OSBPL8: variants seen among roughly 807,000 people sequenced by gnomAD.
OSBPL8 encodes oxysterol-binding protein-related protein 8.
A neutral mutation model predicts 125.5 loss-of-function variants in OSBPL8; 59 were observed. The observed-to-expected ratio is 0.47, with a 90% CI of 0.38 to 0.58. The LOEUF is 0.58. OSBPL8 is among the 20% of genes least tolerant of loss of function. OSBPL8 has a pLI of 0.00. For missense variants in OSBPL8, 758 were observed against 1,047.8 expected (o/e 0.72, Z 3.82); for synonymous variants, 330 against 338.9 (o/e 0.97, Z 0.29).
At chr12:76,421,412 G>A (rs1423344539) in intron 4 of OSBPL8, among the ~76,000 whole-genome samples, 3 of 151,992 alleles carry the variant, frequency 2.0e-5, no homozygotes, top group Non-Finnish European at 4.4e-5. Flanking sequence ...GAGAGTTCAG[G>A]ACTATGGTTT....
At chr12:76,411,575 T>C (rs1053588002) in intron 4 of OSBPL8, among the ~76,000 whole-genome samples, 1 of 151,980 alleles carries the variant, frequency 6.6e-6, no homozygotes, top group Non-Finnish European at 1.5e-5. Context: ...GGTTTATTAA[T>C]GTAACAGCTA....
rs1951865551 is a variant in OSBPL8, at chr12:76,352,691, CTGTA to C, written c.*3194_*3197del. The C allele has an allele frequency of 6.6e-6, 1 of 152,540 alleles. No individual in the cohort carries two copies. Among genetic ancestry groups the C allele is most frequent in the Non-Finnish European group, 1.5e-5 (1 of 67,952 alleles). 9.4% of individuals were successfully genotyped at this position (152,540 alleles called of 1,614,324 possible). A position where few individuals can be genotyped will look rare whatever the true frequency, so the allele number is the denominator to read the frequency against. On this transcript the variant is annotated 3_prime_UTR_variant, in exon 24 of 24. Transcript: ENST00000261183. ...TGGCTTATCAATAATGCCATCATCA[CTGTA>C]TGTCAAACAACCTCACTGCTTACTA... is the stretch of plus-strand genomic sequence containing the variant.
intron 21 of OSBPL8, among the ~76,000 whole-genome samples, chr12:76,365,452 T>C (rs1952379056): frequency 1.3e-5 from 2 of 152,248 alleles, no homozygotes; most frequent in South Asian, 4.1e-4. Flanking sequence ...GATTTTTGTG[T>C]GTTGATCTTA....
chr12:76,548,189 G>A (rs563717442), intron 1 of OSBPL8, among the ~76,000 whole-genome samples: 38 of 151,944 alleles, frequency 2.5e-4, no homozygotes, highest in Non-Finnish European at 3.8e-4. Context: ...AAAGAAAATC[G>A]TAACAGTAAA....
chr12:76,484,838 T>A (rs1877948571), intron 2 of OSBPL8, among the ~76,000 whole-genome samples: 1 of 152,222 alleles, frequency 6.6e-6, no homozygotes, highest in South Asian at 2.1e-4. Context: ...AAATTATTGG[T>A]ATTATTTTCT....
intron 1 of OSBPL8, among the ~76,000 whole-genome samples, chr12:76,531,876 A>C (rs1950348137): frequency 6.6e-6 from 1 of 151,950 alleles, no homozygotes; most frequent in South Asian, 2.1e-4. Flanking sequence ...TCTCTACTAA[A>C]TATACAAAAA....
chr12:76,400,588 C>T (rs1242384620), intron 6 of OSBPL8, among the ~76,000 whole-genome samples: 1 of 151,988 alleles, frequency 6.6e-6, no homozygotes, highest in Admixed American at 6.6e-5. Context: ...GTCTTTTATC[C>T]TAATCTAGTA....
chr12:76,410,611 T>C lies in OSBPL8; in HGVS notation c.241A>G (p.Ile81Val). ...GAAGATTCATCTTTATTTTGAGAAA[T>C]ATCTTCCTTCCCTCTTTCAAAACCT... is the stretch of plus-strand genomic sequence containing the variant. ...SQGFERGKED[I>V]SQNKDESSLS... Residue 81 changes from isoleucine to valine, a missense_variant, in exon 5 of 24, where the codon ATT becomes GTT. This residue lies in a region of OSBPL8 where 117 missense variants were observed against 137.1 expected (regional missense o/e 0.85). Coordinates refer to ENST00000261183, the MANE Select transcript of OSBPL8 (RefSeq NM_020841.5). 5 of 1,607,434 alleles carry C rather than the reference T, an allele frequency of 3.1e-6. No homozygotes were observed. The highest frequency in any genetic ancestry group is 4.3e-6 in the Non-Finnish European group (5 of 1,174,870).
rs1225581684 is a variant in OSBPL8, at chr12:76,429,128, G to A, written c.218-18494C>T. 4.6e-5 allele frequency among the ~76,000 whole-genome samples: 7 copies of A among 151,974 alleles called. No individual in the cohort carries two copies. In the South Asian group the frequency reaches 1.5e-3, roughly 32 times the overall value. ...ATTCTCCATTATCAGCATTAAATAT[G>A]TCTCAACATGAAAGCACATGTAAAT... On this transcript the variant is annotated intron_variant, in intron 4 of 23. Coordinates refer to ENST00000261183, the MANE Select transcript of OSBPL8 (RefSeq NM_020841.5).
At chr12:76,434,260 A>G (rs914092545) in intron 4 of OSBPL8, among the ~76,000 whole-genome samples, 4 of 152,166 alleles carry the variant, frequency 2.6e-5, no homozygotes, top group African/African-American at 9.7e-5. Context: ...AGGAAAAGAT[A>G]TTCTCTTCAA....
chr12:76,467,204 C>T (rs1875553220), intron 2 of OSBPL8, among the ~76,000 whole-genome samples: 1 of 152,110 alleles, frequency 6.6e-6, no homozygotes. Flanking sequence ...CTTCTATTTT[C>T]CTGCCTCCAC....
chr12:76,511,970 T>G (rs1021092708), intron 1 of OSBPL8, among the ~76,000 whole-genome samples: 2 of 152,362 alleles, frequency 1.3e-5, no homozygotes, highest in Admixed American at 1.3e-4. Context: ...ATTTAACTTG[T>G]TAAATTTATT....
chr12:76,492,446 G>A (rs944701426), intron 1 of OSBPL8, among the ~76,000 whole-genome samples: 3 of 152,154 alleles, frequency 2.0e-5, no homozygotes, highest in African/African-American at 7.2e-5. Context: ...CAATGCATGG[G>A]CCACAGACTG....
At chr12:76,470,952 A>G (rs1876063856) in intron 2 of OSBPL8, among the ~76,000 whole-genome samples, 1 of 152,244 alleles carries the variant, frequency 6.6e-6, no homozygotes, top group Non-Finnish European at 1.5e-5. Context: ...ACCAAAAATT[A>G]TATTAGGTAA....
chr12:76,542,426 A>G (rs1242739008), intron 1 of OSBPL8, among the ~76,000 whole-genome samples: 2 of 152,158 alleles, frequency 1.3e-5, no homozygotes, highest in Non-Finnish European at 2.9e-5. Flanking sequence ...CAAAAACCAT[A>G]TATCTAATGA....
chr12:76,540,921 T>C (rs989142638), intron 1 of OSBPL8, among the ~76,000 whole-genome samples: 11 of 152,164 alleles, frequency 7.2e-5, no homozygotes, highest in Non-Finnish European at 2.9e-5. Flanking sequence ...AGTAAAAGTC[T>C]GAATTATAAA....
At chr12:76,375,761 C>A (rs1378724803) in intron 16 of OSBPL8, among the ~76,000 whole-genome samples, 1 of 150,242 alleles carries the variant, frequency 6.7e-6, no homozygotes. Flanking sequence ...AAAAAAGTGT[C>A]CTTTTTGCAG....
At chr12:76,501,737 C>T (rs776485593) in intron 1 of OSBPL8, among the ~76,000 whole-genome samples, 9 of 152,204 alleles carry the variant, frequency 5.9e-5, no homozygotes, top group Non-Finnish European at 1.3e-4. Context: ...AACTGACCAG[C>T]GGTAGAGATC....
chr12:76,357,906 A>G (rs1209971272), intron 22 of OSBPL8, among the ~76,000 whole-genome samples: 1 of 150,648 alleles, frequency 6.6e-6, no homozygotes, highest in Non-Finnish European at 1.5e-5. Context: ...TTTCATGATT[A>G]TATCTCAATG....
Sources: allele counts gnomAD v4.1 joint callset (sites outside exome capture counted in the v4.1 genomes callset), GRCh38; gene constraint gnomAD v4.1.1; regional missense constraint gnomAD v4.1.1; transcripts MANE v1.5; gene names NCBI Gene and HGNC (gene_info 2026-07-23, HGNC 2026-07-21).